Variants in WHRN observed in about 807,000 individuals in gnomAD.
The protein encoded by WHRN is whirlin.
A neutral mutation model predicts 68.3 loss-of-function variants in WHRN; 41 were observed. That is an observed-to-expected ratio of 0.60 (90% confidence interval 0.47 to 0.78). The LOEUF (loss-of-function observed/expected upper bound fraction) is 0.78, where lower values mean the gene tolerates loss of function less well. Among genes scored for constraint, WHRN ranks in the 30% least tolerant of loss-of-function variants. The pLI is 0.00. For missense variants in WHRN, 1,243 were observed against 1,244.7 expected (o/e 1.00, Z 0.02); for synonymous variants, 560 against 561.3 (o/e 1.00, Z 0.03).
chr9:114,486,634 C>T (rs1842492244), intron 1 of WHRN, among the ~76,000 whole-genome samples: 1 of 151,938 alleles, frequency 6.6e-6, no homozygotes, highest in Non-Finnish European at 1.5e-5. Context: ...CACACTTCTC[C>T]ACTTTAATGT....
chr9:114,426,519 A>T, intron 3 of WHRN, 106 bp from the exon 4 acceptor site: 1 of 1,314,542 alleles, frequency 7.6e-7, no homozygotes, highest in East Asian at 2.3e-5. Flanking sequence ...CCTGTCAAGG[A>T]GGTCATCCAG....
chr9:114,502,902 G>A lies in WHRN; in HGVS notation c.618+1282C>T, dbSNP rs553881421. On this transcript the variant is annotated intron_variant, in intron 1 of 11. Transcript: ENST00000362057. ...AACAAAGGGAAAAGATTGATAGAGG[G>A]GGAAGAGGAATTGTTGCATGGAAAC... Among the ~76,000 whole-genome samples the A allele has an allele frequency of 7.2e-5, 11 of 152,318 alleles. No individual in the cohort carries two copies. In the South Asian group the frequency reaches 2.3e-3, roughly 32 times the overall value.
chr9:114,440,296 A>G (rs991912953), intron 3 of WHRN, among the ~76,000 whole-genome samples: 1 of 152,126 alleles, frequency 6.6e-6, no homozygotes, highest in Non-Finnish European at 1.5e-5. Flanking sequence ...CAGTGCAGCG[A>G]TGCAATCTTG....
At position 114,491,392 on chromosome 9, in the gene WHRN, C is replaced by T. The variant is rs79006168; in HGVS notation, c.619-12621G>A. 4.7e-3 allele frequency among the ~76,000 whole-genome samples: 721 copies of T among 152,320 alleles called. 8 individuals are homozygous for T. The highest frequency in any genetic ancestry group is 0.016 in the African/African-American group (651 of 41,572). The stretch of plus-strand genomic sequence containing the variant: ...GATTTGATGACACTGAAATGCAAAA[C>T]TCTTGTGATAAATGGGCACAGGATA... On this transcript the variant is annotated intron_variant, in intron 1 of 11. Coordinates refer to ENST00000362057, the MANE Select transcript of WHRN (RefSeq NM_015404.4).
chr9:114,472,902 G>A (rs1186610302), intron 2 of WHRN, among the ~76,000 whole-genome samples: 1 of 152,194 alleles, frequency 6.6e-6, no homozygotes, highest in Non-Finnish European at 1.5e-5. Flanking sequence ...CATGGATGCG[G>A]AAGCTTAAGT....
At chr9:114,474,129 T>C (rs888739360) in intron 2 of WHRN, among the ~76,000 whole-genome samples, 2 of 152,070 alleles carry the variant, frequency 1.3e-5, no homozygotes, top group Admixed American at 6.6e-5. Flanking sequence ...CCCACTCAAC[T>C]CAGGAACAAT....
At chr9:114,408,420 TG>T (rs1835192926) in intron 7 of WHRN, among the ~76,000 whole-genome samples, 1 of 152,238 alleles carries the variant, frequency 6.6e-6, no homozygotes, top group South Asian at 2.1e-4. Context: ...GAGAAGTGGA[TG>T]GGGAAAGTCT....
rs186218958 is a variant in WHRN at position 114,459,763 on chromosome 9, C to T, written c.963+6504G>A. ...AAACATTGTTTCTGCACCAGACACT[C>T]GATGGGCCTTCATTAGGACTGCCAT... is the stretch of plus-strand genomic sequence containing the variant. On this transcript the variant is annotated intron_variant, in intron 3 of 11. Transcript: ENST00000362057. 2.5e-3 allele frequency among the ~76,000 whole-genome samples: 374 copies of T among 152,316 alleles called. 2 individuals are homozygous for T. The highest frequency in any genetic ancestry group is 8.1e-3 in the African/African-American group (335 of 41,562).
chr9:114,423,714 T>C (rs1323380813), intron 6 of WHRN, among the ~76,000 whole-genome samples, 191 bp from the exon 7 acceptor site: 1 of 152,092 alleles, frequency 6.6e-6, no homozygotes, highest in Non-Finnish European at 1.5e-5. Context: ...ATCATCTCAC[T>C]CCTGCTTCCC....
At chr9:114,492,682 C>T (rs1843087871) in intron 1 of WHRN, among the ~76,000 whole-genome samples, 1 of 152,094 alleles carries the variant, frequency 6.6e-6, no homozygotes, top group Non-Finnish European at 1.5e-5. Flanking sequence ...CTGAAGTTTT[C>T]AAGTTTTAAA....
At chr9:114,415,447 A>G (rs1451029999) in intron 7 of WHRN, among the ~76,000 whole-genome samples, 1 of 152,048 alleles carries the variant, frequency 6.6e-6, no homozygotes, top group Non-Finnish European at 1.5e-5. Flanking sequence ...CTGAGTGGCC[A>G]TGTGCCAACC....
In WHRN at chr9:114,466,305, C is replaced by T. The variant is rs753379063; in HGVS notation, c.925G>A (p.Val309Met). ...EYGLGIYITGVDPGSEAEGSG... is the reference protein window; with the variant it reads ...EYGLGIYITGMDPGSEAEGSG... The stretch of plus-strand genomic sequence containing the variant: ...CCTTCTGCTTCAGAGCCTGGGTCCA[C>T]GCCAGTGATGTAAATGCCAAGGCCG... The change falls in exon 3 of 12, where the codon GTG becomes ATG. Residue 309 changes from valine (V) to methionine (M), a missense_variant. By Grantham distance (21) the Val-to-Met change is conservative. Transcript: ENST00000362057. The T allele has an allele frequency of 1.5e-5, 25 of 1,614,002 alleles. No individual in the cohort carries two copies. Among genetic ancestry groups the T allele is most frequent in the South Asian group, 2.2e-5 (2 of 91,094 alleles).
Position 114,402,287 on chromosome 9 carries a change from T to G in WHRN, c.*467A>C. The G allele has an allele frequency of 9.8e-6, 2 of 203,906 alleles. No individual in the cohort carries two copies. The highest frequency in any genetic ancestry group is 1.1e-4 in the Admixed American group (2 of 18,914). The allele number at this position is 203,906 out of a possible 1,614,324, so 12.6% of individuals were successfully genotyped here. ...GAGCCAGGAGGAATGGGGGTGTGAA[T>G]GGGGAGGTGCTCGATGCTTATTTGT... On this transcript the variant is annotated 3_prime_UTR_variant, in exon 12 of 12. Coordinates refer to ENST00000362057, the MANE Select transcript of WHRN (RefSeq NM_015404.4).
At chr9:114,485,769 CAG>C (rs1842429109) in intron 1 of WHRN, among the ~76,000 whole-genome samples, 2 of 151,902 alleles carry the variant, frequency 1.3e-5, no homozygotes, top group South Asian at 4.2e-4. Context: ...CTTTGGGGGA[CAG>C]AGGCAGGAGG....
intron 1 of WHRN, among the ~76,000 whole-genome samples, chr9:114,494,197 G>C (rs1843254035): frequency 6.6e-6 from 1 of 152,196 alleles, no homozygotes; most frequent in Non-Finnish European, 1.5e-5. Context: ...ATATTTTTTA[G>C]TGCGCTAAGT....
intron 2 of WHRN, among the ~76,000 whole-genome samples, chr9:114,477,645 G>C (rs1434671552): frequency 1.3e-5 from 2 of 152,122 alleles, no homozygotes; most frequent in African/African-American, 4.8e-5. Context: ...CCCTCTTTGG[G>C]AATCTTCAGG....
At chr9:114,459,335 G>C (rs1006531521) in intron 3 of WHRN, among the ~76,000 whole-genome samples, 1 of 151,898 alleles carries the variant, frequency 6.6e-6, no homozygotes, top group African/African-American at 2.4e-5. Flanking sequence ...GTGGTAGCAG[G>C]CACCTGTAAT....
chr9:114,496,841 C>G (rs1843502523), intron 1 of WHRN, among the ~76,000 whole-genome samples: 1 of 152,216 alleles, frequency 6.6e-6, no homozygotes, highest in Admixed American at 6.5e-5. Context: ...GTACATACCA[C>G]CCTTCCTCAG....
chr9:114,466,179 G>A (rs888499419), intron 3 of WHRN, 88 bp downstream of exon 3: 2 of 1,592,568 alleles, frequency 1.3e-6, no homozygotes, highest in Admixed American at 1.7e-5. Flanking sequence ...TCAAGGTGGA[G>A]TGCTGATTGC....
Sources: gnomAD v4.1 joint callset for allele counts (sites outside exome capture counted in the v4.1 genomes callset) on GRCh38, gnomAD v4.1.1 for gene constraint, MANE v1.5 for transcripts, NCBI Gene and HGNC (gene_info 2026-07-23, HGNC 2026-07-21) for gene names.